TVP23C: variants seen among roughly 807,000 people sequenced by gnomAD.
The protein encoded by TVP23C is trans-golgi network vesicle protein 23 homolog C, also known as Golgi apparatus membrane protein TVP23 homolog C.
In TVP23C, 19 loss-of-function variants were observed where a neutral mutation model predicts 28.7. The observed-to-expected ratio is 0.66, with a 90% CI of 0.46 to 0.97. The LOEUF (loss-of-function observed/expected upper bound fraction) is 0.97, where lower values mean the gene tolerates loss of function less well. Among genes scored for constraint, TVP23C ranks in the 50% least tolerant of loss-of-function variants. The pLI is 0.00. For missense variants in TVP23C, 186 were observed against 241.3 expected (o/e 0.77, Z 1.52); for synonymous variants, 68 against 81.7 (o/e 0.83, Z 0.90).
At chr17:15,549,393 T>C (rs1274480381) in intron 3 of TVP23C, among the ~76,000 whole-genome samples, 2 of 152,154 alleles carry the variant, frequency 1.3e-5, no homozygotes, top group African/African-American at 2.4e-5. Context: ...AGAAGAGCTT[T>C]TGGGGAGTGG....
chr17:15,550,664 T>C (rs895289074), intron 3 of TVP23C, among the ~76,000 whole-genome samples: 6 of 152,228 alleles, frequency 3.9e-5, no homozygotes, highest in African/African-American at 1.4e-4. Context: ...TTTTACTCTG[T>C]GAATGATCTT....
At chr17:15,502,886 T>G (rs1981535834) in exon 6 of TVP23C, 2 of 1,591,144 alleles carry the variant, frequency 1.3e-6, no homozygotes, top group Non-Finnish European at 1.7e-6. Flanking sequence ...GGATGCCAGA[T>G]GAAATTTTGG....
intron 3 of TVP23C, among the ~76,000 whole-genome samples, chr17:15,552,915 TTATC>T (rs1162102980): frequency 2.7e-5 from 4 of 150,758 alleles, no homozygotes; most frequent in African/African-American, 9.8e-5. Context: ...TTATGCTTAC[TTATC>T]TATTTATTAT....
At chr17:15,561,514 G>A (rs1316625584) in intron 1 of TVP23C, among the ~76,000 whole-genome samples, 1 of 152,106 alleles carries the variant, frequency 6.6e-6, no homozygotes, top group Non-Finnish European at 1.5e-5. Flanking sequence ...CAGAAGAATC[G>A]CTTGAAGCCG....
intron 3 of TVP23C, 119 bp downstream of exon 3, chr17:15,553,566 C>T: frequency 7.8e-7 from 1 of 1,277,864 alleles, no homozygotes. Flanking sequence ...ATATCTAGCA[C>T]TTCAACACAG....
intron 5 of TVP23C, among the ~76,000 whole-genome samples, chr17:15,510,784 T>G (rs959313958): frequency 1.3e-5 from 2 of 152,008 alleles, no homozygotes; most frequent in Non-Finnish European, 1.5e-5. Flanking sequence ...TGGGGCCAGG[T>G]GCAGTGGCTC....
intron 5 of TVP23C, among the ~76,000 whole-genome samples, chr17:15,511,647 C>G (rs1982010401): frequency 6.6e-6 from 1 of 152,032 alleles, no homozygotes; most frequent in Admixed American, 6.6e-5. Flanking sequence ...AAGAATTGTT[C>G]CAGTCCTTAT....
downstream of TVP23C, among the ~76,000 whole-genome samples, chr17:15,532,611 C>T (rs1242096027): frequency 6.6e-6 from 1 of 152,130 alleles, no homozygotes; most frequent in East Asian, 1.9e-4. Context: ...TGGGTTGTTG[C>T]AATCGTTTGG....
At position 15,558,943 on chromosome 17, in the gene TVP23C, T is replaced by C. The variant is rs1335472512; in HGVS notation, c.13-3579A>G. ...CAGTGGAACAATCAGGGGTCACTAC[T>C]GCAGGCTCTACATCTCAGCCTCCTG... is the stretch of plus-strand genomic sequence containing the variant. On this transcript the variant is annotated intron_variant, in intron 1 of 5. Transcript: ENST00000518321. Among the ~76,000 whole-genome samples the C allele has an allele frequency of 1.4e-5, 2 of 147,006 alleles. 1 individual carries two copies. Among genetic ancestry groups the C allele is most frequent in the Non-Finnish European group, 3.0e-5 (2 of 65,926 alleles).
intron 5 of TVP23C, among the ~76,000 whole-genome samples, chr17:15,509,706 G>A (rs192563945): frequency 6.6e-5 from 10 of 152,280 alleles, no homozygotes; most frequent in Middle Eastern, 3.4e-3. Flanking sequence ...CAGCCTGAGC[G>A]ACAGAGCAAG....
At chr17:15,550,050 T>C (rs1016568603) in intron 3 of TVP23C, among the ~76,000 whole-genome samples, 5 of 152,224 alleles carry the variant, frequency 3.3e-5, no homozygotes, top group African/African-American at 1.2e-4. Flanking sequence ...TTCCTGCTTT[T>C]ATCTTTATTA....
intron 5 of TVP23C, among the ~76,000 whole-genome samples, chr17:15,507,681 A>C (rs1191352908): frequency 6.6e-6 from 1 of 152,062 alleles, no homozygotes; most frequent in African/African-American, 2.4e-5. Flanking sequence ...TACTAAAAAT[A>C]CAAAAAAATT....
At chr17:15,563,224 T>G in intron 1 of TVP23C, 1 of 834,582 alleles carries the variant, frequency 1.2e-6, no homozygotes, top group Non-Finnish European at 1.8e-6. Flanking sequence ...CAAGAAGTAC[T>G]TGCTCTGCGC....
intron 1 of TVP23C, among the ~76,000 whole-genome samples, chr17:15,556,716 A>G (rs1780385155): frequency 6.6e-6 from 1 of 152,004 alleles, no homozygotes; most frequent in South Asian, 2.1e-4. Flanking sequence ...CCTCAACTAC[A>G]ACAAACCTGA....
At chr17:15,519,376 G>A (rs1982370389) in intron 5 of TVP23C, among the ~76,000 whole-genome samples, 1 of 152,028 alleles carries the variant, frequency 6.6e-6, no homozygotes, top group Admixed American at 6.6e-5. Context: ...GAAGGGTGAG[G>A]CAGGAGGATC....
intron 5 of TVP23C, among the ~76,000 whole-genome samples, chr17:15,515,396 A>T (rs1197436884): frequency 6.6e-6 from 1 of 150,744 alleles, no homozygotes; most frequent in African/African-American, 2.4e-5. Context: ...TAAGACAAGC[A>T]CCCATGTGAA....
intron 3 of TVP23C, among the ~76,000 whole-genome samples, chr17:15,550,012 C>T (rs1983819806): frequency 6.6e-6 from 1 of 151,890 alleles, no homozygotes; most frequent in African/African-American, 2.4e-5. Flanking sequence ...CTTTCAAACT[C>T]TTCTGTTTCC....
At chr17:15,526,700 G>A (rs1452757136) in intron 5 of TVP23C, among the ~76,000 whole-genome samples, 1 of 152,246 alleles carries the variant, frequency 6.6e-6, no homozygotes, top group East Asian at 1.9e-4. Flanking sequence ...TACATCATAT[G>A]TTAGTATATT....
chr17:15,556,718 C>G (rs1984150518), intron 1 of TVP23C, among the ~76,000 whole-genome samples: 2 of 152,120 alleles, frequency 1.3e-5, no homozygotes, highest in South Asian at 4.1e-4. Context: ...TCAACTACAA[C>G]AAACCTGATC....
Sources: allele counts gnomAD v4.1 joint callset (sites outside exome capture counted in the v4.1 genomes callset), GRCh38; gene constraint gnomAD v4.1.1; transcripts MANE v1.5; gene names NCBI Gene and HGNC (gene_info 2026-07-23, HGNC 2026-07-21).